The following KIAA1549L variants were observed in gnomAD, a reference collection of about 807,000 sequenced individuals.
KIAA1549L encodes UPF0606 protein KIAA1549L.
KIAA1549L carries 88 observed loss-of-function variants against 160.7 expected under a neutral mutation model. The observed-to-expected ratio is 0.55, with a 90% confidence interval of 0.46 to 0.65. The LOEUF (loss-of-function observed/expected upper bound fraction) is 0.65. Ranked by LOEUF, KIAA1549L falls within the 30% of genes least tolerant of loss-of-function variation. The pLI, the probability that KIAA1549L is intolerant of heterozygous loss-of-function variation, is 0.00. For missense variants in KIAA1549L, 2,258 were observed against 2,437.5 expected (o/e 0.93, Z 1.55); for synonymous variants, 950 against 976.7 (o/e 0.97, Z 0.51).
intron 1 of KIAA1549L, among the ~76,000 whole-genome samples, chr11:33,472,275 CTTTTTTTTTTTT>C (rs76771436): frequency 5.3e-4 from 54 of 102,774 alleles, no homozygotes; most frequent in South Asian, 1.0e-3. Flanking sequence ...TCATGCCTGG[CTTTTTTTTTTTT>C]TTTTTTTTTT....
At chr11:33,554,550 C>T (rs938025196) in intron 6 of KIAA1549L, among the ~76,000 whole-genome samples, 2 of 152,226 alleles carry the variant, frequency 1.3e-5, no homozygotes, top group Non-Finnish European at 2.9e-5. Flanking sequence ...CCGTGGCTCC[C>T]ATGGGGTGGC....
chr11:33,399,493 C>G (rs1346061926), intron 1 of KIAA1549L, among the ~76,000 whole-genome samples: 1 of 152,030 alleles, frequency 6.6e-6, no homozygotes, highest in Non-Finnish European at 1.5e-5. Flanking sequence ...CTTCTAAGTC[C>G]CCAAGCTTTC....
intron 17 of KIAA1549L, 62 bp from the exon 18 acceptor site, chr11:33,655,950 C>A: frequency 8.7e-7 from 1 of 1,151,648 alleles, no homozygotes; most frequent in Non-Finnish European, 1.3e-6. Context: ...ACAAGAGGAA[C>A]CTGTGTGCTG....
chr11:33,427,714 C>T (rs769720807), intron 1 of KIAA1549L, among the ~76,000 whole-genome samples: 84 of 152,292 alleles, frequency 5.5e-4, no homozygotes, highest in Non-Finnish European at 8.4e-4. Flanking sequence ...GCAGCCACTA[C>T]ATCTATCCAC....
At chr11:33,551,798 G>A (rs1854472284) in intron 5 of KIAA1549L, among the ~76,000 whole-genome samples, 1 of 152,114 alleles carries the variant, frequency 6.6e-6, no homozygotes, top group African/African-American at 2.4e-5. Flanking sequence ...GAAATAGAAG[G>A]CATGATCTCT....
rs767286658 is a variant in KIAA1549L, at chr11:33,543,388, T to C, written c.1825T>C (p.Ser609Pro). 81 of 1,613,876 alleles carry C rather than the reference T, an allele frequency of 5.0e-5. No homozygotes were observed. The highest frequency in any genetic ancestry group is 6.2e-5 in the Non-Finnish European group (73 of 1,179,890). The part of the protein sequence containing the change: ...VSDFSTGSVS[S>P]PIITAPRTNP... The stretch of plus-strand genomic sequence containing the variant: ...TGATTTCAGCACCGGTAGTGTCTCA[T>C]CTCCCATCATTACAGCACCAAGGAC... Residue 609 changes from serine (S) to proline (P), a missense_variant, in exon 2 of 21, where the codon TCT becomes CCT. Ser to Pro is a moderately conservative substitution (Grantham distance 74). This residue lies in a region of KIAA1549L where 540 missense variants were observed against 465.7 expected (regional missense o/e 1.16). Coordinates refer to ENST00000658780, the MANE Select transcript of KIAA1549L (RefSeq NM_012194.3).
At chr11:33,500,921 G>C (rs1002704268) in intron 1 of KIAA1549L, among the ~76,000 whole-genome samples, 23 of 152,006 alleles carry the variant, frequency 1.5e-4, no homozygotes, top group African/African-American at 5.1e-4. Context: ...TTTTGTTACT[G>C]TTATACCAAT....
chr11:33,661,879 C>CA (rs59140753), intron 20 of KIAA1549L, among the ~76,000 whole-genome samples: 1,368 of 36,050 alleles, frequency 0.038, 111 homozygotes, highest in Non-Finnish European at 0.06. Context: ...GACTATGTCT[C>CA]AAAAAAAAAA....
chr11:33,620,968 T>C (rs1850944396), intron 16 of KIAA1549L, among the ~76,000 whole-genome samples: 3 of 152,210 alleles, frequency 2.0e-5, no homozygotes. Flanking sequence ...AGTGAGCCGG[T>C]CATTCAATTG....
intron 8 of KIAA1549L, among the ~76,000 whole-genome samples, chr11:33,564,454 G>A (rs1285969879): frequency 2.0e-5 from 3 of 152,232 alleles, no homozygotes; most frequent in Non-Finnish European, 4.4e-5. Flanking sequence ...CTGCCTCAGA[G>A]GGTGGGTCCC....
At chr11:33,381,744 A>C (rs1369933808) in intron 1 of KIAA1549L, among the ~76,000 whole-genome samples, 7 of 152,224 alleles carry the variant, frequency 4.6e-5, no homozygotes, top group African/African-American at 1.7e-4. Flanking sequence ...CTGTTATTGA[A>C]ATCAATCTGC....
chr11:33,483,153 T>G (rs1852448493), intron 1 of KIAA1549L, among the ~76,000 whole-genome samples: 1 of 152,144 alleles, frequency 6.6e-6, no homozygotes, highest in Non-Finnish European at 1.5e-5. Context: ...TTTGTCAGCT[T>G]TGGGAGTTAA....
At chr11:33,400,466 G>A (rs938157234) in intron 1 of KIAA1549L, among the ~76,000 whole-genome samples, 1 of 152,200 alleles carries the variant, frequency 6.6e-6, no homozygotes, top group Non-Finnish European at 1.5e-5. Flanking sequence ...CTTCTACTGA[G>A]TGTCTGTGAC....
intron 1 of KIAA1549L, among the ~76,000 whole-genome samples, chr11:33,440,120 C>CTTTTTT (rs201551936): frequency 4.8e-5 from 4 of 83,432 alleles, no homozygotes; most frequent in South Asian, 4.7e-4. Context: ...TATTTTGTTT[C>CTTTTTT]TTTTTTTTTT....
At chr11:33,572,331 C>G (rs1349856112) in intron 9 of KIAA1549L, among the ~76,000 whole-genome samples, 5 of 152,216 alleles carry the variant, frequency 3.3e-5, no homozygotes, top group Admixed American at 1.3e-4. Context: ...GCCACTGTGC[C>G]TGGCCAACAT....
chr11:33,413,786 C>T (rs1850831456), intron 1 of KIAA1549L, among the ~76,000 whole-genome samples: 1 of 152,186 alleles, frequency 6.6e-6, no homozygotes, highest in Non-Finnish European at 1.5e-5. Context: ...TCTGCATGAA[C>T]TGCTGAAGTG....
At chr11:33,475,711 T>A (rs1233931967) in intron 1 of KIAA1549L, among the ~76,000 whole-genome samples, 2 of 135,876 alleles carry the variant, frequency 1.5e-5, no homozygotes, top group Non-Finnish European at 3.1e-5. Context: ...AAAAAAAAAA[T>A]TAGCTAGACG....
At chr11:33,570,295 T>A (rs1855207057) in intron 9 of KIAA1549L, among the ~76,000 whole-genome samples, 1 of 152,006 alleles carries the variant, frequency 6.6e-6, no homozygotes, top group Non-Finnish European at 1.5e-5. Context: ...AGCCACCACG[T>A]CCAGCCTTCT....
chr11:33,542,760 T>C lies in KIAA1549L; in HGVS notation c.1197T>C (p.Asn399=). 6.2e-7 allele frequency: 1 copy of C among 1,613,892 alleles called. No homozygotes were observed. The highest frequency in any genetic ancestry group is 2.2e-5 in the East Asian group (1 of 44,854). The change falls in exon 2 of 21, where the codon AAT becomes AAC. Residue 399 remains asparagine, a synonymous_variant. Coordinates refer to ENST00000658780, the MANE Select transcript of KIAA1549L (RefSeq NM_012194.3). ...CTGGGGTGCCTGGAAGAGTGCACAATGGGGTGTCTTTGCCAACTTTTAAGA... is the reference window on the plus strand; with the variant it reads ...CTGGGGTGCCTGGAAGAGTGCACAACGGGGTGTCTTTGCCAACTTTTAAGA... ...IKAGVPGRVH[N]GVSLPTFKNT...
Sources: gnomAD v4.1 joint callset for allele counts (sites outside exome capture counted in the v4.1 genomes callset) on GRCh38, gnomAD v4.1.1 for gene constraint, gnomAD v4.1.1 regional missense constraint, MANE v1.5 for transcripts, NCBI Gene and HGNC (gene_info 2026-07-23, HGNC 2026-07-21) for gene names.